The following ZPLD1 variants were observed in gnomAD, a reference collection of about 807,000 sequenced individuals.
ZPLD1 encodes zona pellucida-like domain-containing protein 1.
A neutral mutation model predicts 47.2 loss-of-function variants in ZPLD1; 34 were observed. That is an observed-to-expected ratio of 0.72 (90% CI 0.55 to 0.96). ZPLD1 has a LOEUF of 0.96. Among genes scored for constraint, ZPLD1 ranks in the 40% least tolerant of loss-of-function variants. The pLI, the probability that ZPLD1 is intolerant of heterozygous loss-of-function variation, is 0.00. For synonymous variants in ZPLD1, 176 were observed against 186.2 expected (o/e 0.95, Z 0.45); for missense variants, 512 against 505.8 (o/e 1.01, Z -0.12).
chr3:102,461,177 A>G (rs996373728), intron 6 of ZPLD1, among the ~76,000 whole-genome samples: 1 of 152,022 alleles, frequency 6.6e-6, no homozygotes, highest in Admixed American at 6.5e-5. Context: ...TATGGTTGAT[A>G]TGTTGTCTTT....
At chr3:102,397,769 T>C (rs1004752135) in intron 7 of ZPLD1, among the ~76,000 whole-genome samples, 6 of 152,138 alleles carry the variant, frequency 3.9e-5, no homozygotes, top group African/African-American at 1.4e-4. Flanking sequence ...TGGATCTTAA[T>C]GCAATTATCG....
At chr3:102,407,980 G>A (rs183918569) in intron 7 of ZPLD1, among the ~76,000 whole-genome samples, 1 of 151,872 alleles carries the variant, frequency 6.6e-6, no homozygotes, top group African/African-American at 2.4e-5. Flanking sequence ...ACTGGGACTG[G>A]GACACATAAA....
At chr3:102,447,659 C>G (rs1707278780) in intron 3 of ZPLD1, among the ~76,000 whole-genome samples, 1 of 152,116 alleles carries the variant, frequency 6.6e-6, no homozygotes, top group African/African-American at 2.4e-5. Flanking sequence ...CTGAGATGAA[C>G]TGAAAATGAT....
Position 102,477,688 on chromosome 3 carries a change from C to A in ZPLD1, c.*70C>A. On this transcript the variant is annotated 3_prime_UTR_variant, in exon 12 of 12. Transcript: ENST00000466937. ...CTATGTGTGACTGCAGTCAGTGTTC[C>A]GTCTGAATTTCATGTCAGTCCACAT... 7.3e-7 allele frequency: 1 copy of A among 1,375,184 alleles called. No homozygotes were observed. The allele number at this position is 1,375,184 out of a possible 1,614,324, so 85.2% of individuals were successfully genotyped here.
At chr3:102,434,503 G>T (rs1347282969), upstream of ZPLD1, among the ~76,000 whole-genome samples, 1 of 152,026 alleles carries the variant, frequency 6.6e-6, no homozygotes, top group African/African-American at 2.4e-5. Context: ...AGATACAGAT[G>T]TCTCTTTTTT....
At position 102,456,222 on chromosome 3, in the gene ZPLD1, TG is replaced by T; in HGVS notation, c.359del (p.Gly120GlufsTer8). The T allele has an allele frequency of 6.2e-7, 1 of 1,613,522 alleles. No homozygotes were observed. Among genetic ancestry groups the T allele is most frequent in the Non-Finnish European group, 8.5e-7 (1 of 1,179,784 alleles). On this transcript the variant is annotated frameshift_variant, in exon 5 of 12. Coordinates refer to ENST00000466937, the MANE Select transcript of ZPLD1 (RefSeq NM_001329788.2). LOFTEE classifies it high-confidence loss of function. The stretch of plus-strand genomic sequence containing the variant: ...CCACAATTCCTGGAGTCAGTGCTTA[TG>T]GAAATGCAACTTCAGTGCAAGTAGG... ...VSTIPGVSAY[G>X]NATSVQVGNI...
intron 7 of ZPLD1, among the ~76,000 whole-genome samples, chr3:102,394,159 T>C (rs1446175922): frequency 6.6e-6 from 1 of 152,190 alleles, no homozygotes; most frequent in Non-Finnish European, 1.5e-5. Context: ...ATAAAATGTG[T>C]GTCTGCAGAA....
At chr3:102,441,171 A>G (rs6794388) in intron 3 of ZPLD1, among the ~76,000 whole-genome samples, 9,053 of 152,176 alleles carry the variant, frequency 0.059, 917 homozygotes, top group African/African-American at 0.21. Context: ...TGCTCAACAG[A>G]GAAGATCTGA....
intron 7 of ZPLD1, among the ~76,000 whole-genome samples, chr3:102,415,134 T>G (rs935693182): frequency 3.3e-5 from 5 of 151,878 alleles, no homozygotes; most frequent in Non-Finnish European, 5.9e-5. Context: ...CAATGCTATG[T>G]GGCCTGAAAT....
At chr3:102,412,948 A>G (rs752564439) in intron 7 of ZPLD1, among the ~76,000 whole-genome samples, 1 of 151,792 alleles carries the variant, frequency 6.6e-6, no homozygotes, top group Non-Finnish European at 1.5e-5. Flanking sequence ...TATGGCCGCT[A>G]TCATTATTCA....
chr3:102,415,188 A>G (rs774943172), intron 7 of ZPLD1, among the ~76,000 whole-genome samples: 5 of 151,844 alleles, frequency 3.3e-5, no homozygotes, highest in Admixed American at 6.6e-5. Context: ...TAATAAGAGT[A>G]TCTCGACTAC....
At position 102,445,388 on chromosome 3, in the gene ZPLD1, CA is replaced by C. The variant is rs1707241721; in HGVS notation, c.106+6797del. On this transcript the variant is annotated intron_variant, in intron 3 of 11. Coordinates refer to ENST00000466937, the MANE Select transcript of ZPLD1 (RefSeq NM_001329788.2). ...GTCTCTCTCCCTCCCGTCCCTTTTA[CA>C]ACCAAACTTTTCTCTCTTGTAAGCA... Among the ~76,000 whole-genome samples, 10 of 152,312 alleles carry C rather than the reference CA, an allele frequency of 6.6e-5. No homozygotes were observed. The South Asian group carries it at 2.1e-3, about 32-fold the overall frequency.
At chr3:102,442,736 C>T (rs1707200486) in intron 3 of ZPLD1, among the ~76,000 whole-genome samples, 1 of 152,170 alleles carries the variant, frequency 6.6e-6, no homozygotes, top group East Asian at 1.9e-4. Context: ...AATCATCTCA[C>T]CCTATGTGAC....
intron 1 of ZPLD1, among the ~76,000 whole-genome samples, chr3:102,435,871 T>C (rs62274739): frequency 0.011 from 1,714 of 152,282 alleles, 22 homozygotes; most frequent in Non-Finnish European, 0.02. Context: ...CTCGATCTCC[T>C]GACCTCATGA....
At chr3:102,418,078 C>T (rs967159314) in exon 8 of ZPLD1, 4 of 151,946 alleles carry the variant, frequency 2.6e-5, no homozygotes, top group African/African-American at 9.7e-5. Flanking sequence ...AAAAGAGCAG[C>T]TCTTCTCTCA....
chr3:102,456,052 A>T, intron 4 of ZPLD1, 141 bp from the exon 5 acceptor site: 1 of 576,144 alleles, frequency 1.7e-6, no homozygotes. Flanking sequence ...TCACTTATAA[A>T]CTTGATATTT....
intron 8 of ZPLD1, among the ~76,000 whole-genome samples, chr3:102,428,308 GC>G (rs1706974652): frequency 6.6e-6 from 1 of 152,038 alleles, no homozygotes; most frequent in South Asian, 2.1e-4. Flanking sequence ...ATCTAACATG[GC>G]TTCTGAAGCA....
chr3:102,448,510 TTTAGTACCTACAAC>T (rs1438651700), intron 3 of ZPLD1, among the ~76,000 whole-genome samples: 26 of 152,336 alleles, frequency 1.7e-4, no homozygotes, highest in Middle Eastern at 3.4e-3. Context: ...AATGGATGTC[TTTAGTACCTACAAC>T]CAGGAAAAGA....
At chr3:102,397,761 G>A (rs887176219) in intron 7 of ZPLD1, among the ~76,000 whole-genome samples, 1 of 152,054 alleles carries the variant, frequency 6.6e-6, no homozygotes, top group South Asian at 2.1e-4. Flanking sequence ...ATATACACTG[G>A]ATCTTAATGC....
Sources: gnomAD v4.1 joint callset for allele counts (sites outside exome capture counted in the v4.1 genomes callset) on GRCh38, gnomAD v4.1.1 for gene constraint, MANE v1.5 for transcripts, NCBI Gene and HGNC (gene_info 2026-07-23, HGNC 2026-07-21) for gene names.